The following TMEM232 variants were observed in gnomAD, a reference collection of about 807,000 sequenced individuals.
TMEM232 encodes the protein transmembrane protein 232.
Under a neutral mutation model 78.8 loss-of-function variants are expected in TMEM232, and 80 were observed. The observed-to-expected ratio is 1.01, with a 90% CI of 0.85 to 1.22. TMEM232 has a LOEUF of 1.22. TMEM232 is among the 50% of genes most tolerant of loss of function. The pLI is 0.00. For synonymous variants in TMEM232, 297 were observed against 254.3 expected (o/e 1.17, Z -1.60); for missense variants, 881 against 742.2 (o/e 1.19, Z -2.17).
chr5:110,607,935 T>C (rs1044476109), intron 8 of TMEM232, among the ~76,000 whole-genome samples: 4 of 151,900 alleles, frequency 2.6e-5, no homozygotes, highest in Admixed American at 1.3e-4. Context: ...TAGAAGAAGC[T>C]TGGACCTTGA....
chr5:110,517,155 T>C (rs1202988170), intron 12 of TMEM232, among the ~76,000 whole-genome samples: 2 of 152,162 alleles, frequency 1.3e-5, no homozygotes, highest in East Asian at 1.9e-4. Flanking sequence ...TAAAGACCTT[T>C]CAGGGATGAA....
intron 8 of TMEM232, 148 bp downstream of exon 8, chr5:110,618,281 G>A: frequency 1.0e-6 from 1 of 974,298 alleles, no homozygotes; most frequent in Non-Finnish European, 1.5e-6. Flanking sequence ...TACTAAACAT[G>A]TAAATTGCCA....
intron 11 of TMEM232, among the ~76,000 whole-genome samples, chr5:110,536,679 C>T (rs557653888): frequency 6.6e-6 from 1 of 152,198 alleles, no homozygotes; most frequent in East Asian, 1.9e-4. Context: ...ACAAAAGGAA[C>T]CCACCTAGCT....
At chr5:110,522,712 ATTAATTGAT>A (rs1484937462) in intron 12 of TMEM232, among the ~76,000 whole-genome samples, 1 of 152,170 alleles carries the variant, frequency 6.6e-6, no homozygotes, top group Non-Finnish European at 1.5e-5. Context: ...AGTATATAAC[ATTAATTGAT>A]TTTTGTATGT....
intron 10 of TMEM232, among the ~76,000 whole-genome samples, chr5:110,593,721 A>G (rs1201447498): frequency 6.6e-6 from 1 of 152,170 alleles, no homozygotes; most frequent in Non-Finnish European, 1.5e-5. Flanking sequence ...ATGGGTACAA[A>G]AAATGGAAAG....
chr5:110,720,717 A>G (rs1330194657), intron 1 of TMEM232: 1 of 152,148 alleles, frequency 6.6e-6, no homozygotes, highest in Non-Finnish European at 1.5e-5. Flanking sequence ...AAGTAAATTT[A>G]TTCCAAATTA....
chr5:110,428,237 T>A (rs1757456831), intron 12 of TMEM232, among the ~76,000 whole-genome samples: 1 of 151,876 alleles, frequency 6.6e-6, no homozygotes, highest in Non-Finnish European at 1.5e-5. Context: ...GATACTGTCA[T>A]TGAATTTAAG....
At position 110,640,752 on chromosome 5, in the gene TMEM232, C is replaced by A. The variant is rs1786563638; in HGVS notation, c.343+139G>T. On this transcript the variant is annotated intron_variant, in intron 4 of 13. Transcript: ENST00000455884. ...AATTCAAAATTACAAAATGAATTTT[C>A]ATAATAAAATGTATTTTGATAGAGT... 4 of 450,024 alleles carry A rather than the reference C, an allele frequency of 8.9e-6. 1 individual carries two copies. The highest frequency in any genetic ancestry group is 2.0e-5 in the African/African-American group (1 of 49,024). The allele number at this position is 450,024 out of a possible 1,614,324, so 27.9% of individuals were successfully genotyped here.
At chr5:110,521,420 T>C (rs1769483377) in intron 12 of TMEM232, among the ~76,000 whole-genome samples, 1 of 152,228 alleles carries the variant, frequency 6.6e-6, no homozygotes, top group South Asian at 2.1e-4. Flanking sequence ...AGGATGACTT[T>C]TAACTTTGTT....
intron 7 of TMEM232, among the ~76,000 whole-genome samples, chr5:110,624,640 T>A (rs181163175): frequency 1.3e-4 from 20 of 152,248 alleles, no homozygotes; most frequent in African/African-American, 3.6e-4. Flanking sequence ...TCAGTAAATG[T>A]CACTTGTTAT....
At chr5:110,559,602 T>C (rs1775515337) in intron 11 of TMEM232, among the ~76,000 whole-genome samples, 1 of 152,118 alleles carries the variant, frequency 6.6e-6, no homozygotes, top group Admixed American at 6.6e-5. Context: ...CACAAGTGAA[T>C]GCAAATTAAA....
At chr5:110,584,988 T>G (rs1380028273) in intron 10 of TMEM232, among the ~76,000 whole-genome samples, 1 of 152,116 alleles carries the variant, frequency 6.6e-6, no homozygotes, top group African/African-American at 2.4e-5. Context: ...TATTTCTGGT[T>G]CATGGGTCTT....
At chr5:110,625,239 G>T (rs1471149288) in intron 7 of TMEM232, 28 bp downstream of exon 7, 3 of 1,488,668 alleles carry the variant, frequency 2.0e-6, no homozygotes, top group African/African-American at 2.8e-5. Flanking sequence ...CAGGCAACAG[G>T]ATATACCCAC....
At chr5:110,464,919 C>T (rs909759475) in intron 12 of TMEM232, among the ~76,000 whole-genome samples, 2 of 152,126 alleles carry the variant, frequency 1.3e-5, no homozygotes, top group Non-Finnish European at 2.9e-5. Context: ...AACCTTGAGA[C>T]AGTAAATAAG....
chr5:110,547,956 C>A (rs897646140), intron 11 of TMEM232, among the ~76,000 whole-genome samples: 1 of 149,070 alleles, frequency 6.7e-6, no homozygotes, highest in African/African-American at 2.5e-5. Flanking sequence ...TGAGATCACG[C>A]CGCTGCACTC....
At chr5:110,486,418 C>T (rs950605712) in intron 12 of TMEM232, among the ~76,000 whole-genome samples, 4 of 151,960 alleles carry the variant, frequency 2.6e-5, no homozygotes, top group African/African-American at 9.7e-5. Flanking sequence ...AAGGGTTTTT[C>T]CAGTGTTTTC....
intron 1 of TMEM232, among the ~76,000 whole-genome samples, chr5:110,711,989 C>G (rs769538243): frequency 6.8e-4 from 103 of 151,340 alleles, no homozygotes; most frequent in Non-Finnish European, 1.3e-3. Context: ...GTAGTCCCAG[C>G]TACTCGGGAG....
chr5:110,586,277 A>G (rs1053650377), intron 10 of TMEM232, among the ~76,000 whole-genome samples: 15 of 152,018 alleles, frequency 9.9e-5, no homozygotes, highest in Admixed American at 6.6e-5. Flanking sequence ...ACATTTCTGT[A>G]TAAATTTTCC....
intron 12 of TMEM232, among the ~76,000 whole-genome samples, chr5:110,451,740 T>C (rs545750307): frequency 6.6e-6 from 1 of 152,262 alleles, no homozygotes; most frequent in African/African-American, 2.4e-5. Flanking sequence ...TAAAAACTCT[T>C]ATAGCCCTTT....
Sources: gnomAD v4.1 joint callset for allele counts (sites outside exome capture counted in the v4.1 genomes callset) on GRCh38, gnomAD v4.1.1 for gene constraint, MANE v1.5 for transcripts, NCBI Gene and HGNC (gene_info 2026-07-23, HGNC 2026-07-21) for gene names.